The following NXNL2 variants were observed in gnomAD, a reference collection of about 807,000 sequenced individuals.
NXNL2 encodes nucleoredoxin-like protein 2.
NXNL2 carries 7 observed loss-of-function variants against 11.1 expected under a neutral mutation model. The ratio of observed to expected loss-of-function variants is 0.63; its 90% CI spans 0.36 to 1.18. The LOEUF (loss-of-function observed/expected upper bound fraction) is 1.18. Ranked by LOEUF, NXNL2 falls within the 50% of genes most tolerant of loss-of-function variation. The pLI is 0.02. For missense variants in NXNL2, 233 were observed against 217.7 expected, an observed-to-expected ratio of 1.07 and a Z score of -0.44; for synonymous variants, 109 against 101.8, an observed-to-expected ratio of 1.07 and a Z score of -0.42.
intron 2 of NXNL2, among the ~76,000 whole-genome samples, chr9:88,572,064 C>A (rs189600569): frequency 4.1e-4 from 62 of 152,134 alleles, no homozygotes; most frequent in Non-Finnish European, 8.4e-4. Flanking sequence ...GGCGGTTTCT[C>A]CCTCCCTCAG....
chr9:88,577,568 C>T (rs1209274535), downstream of NXNL2, among the ~76,000 whole-genome samples: 7 of 151,984 alleles, frequency 4.6e-5, no homozygotes, highest in East Asian at 1.4e-3. Flanking sequence ...TGCTTCCTGG[C>T]TTGTGGACAC....
chr9:88,574,748 G>T (rs1830323890), intron 2 of NXNL2, among the ~76,000 whole-genome samples: 1 of 152,196 alleles, frequency 6.6e-6, no homozygotes, highest in Non-Finnish European at 1.5e-5. Context: ...GATCTGAATA[G>T]AGGGAAGGAG....
Position 88,544,602 on chromosome 9 carries a change from T to G in NXNL2, c.*55T>G, listed in dbSNP as rs763733033. 3.8e-4 allele frequency: 551 copies of G among 1,463,304 alleles called. No homozygotes were observed. The highest frequency in any genetic ancestry group is 4.6e-4 in the Non-Finnish European group (513 of 1,103,460). 90.6% of individuals were successfully genotyped at this position (1,463,304 alleles called of 1,614,324 possible). On this transcript the variant is annotated 3_prime_UTR_variant, in exon 2 of 2. Transcript: ENST00000375854. ...GGTGCTGCTTCTCCAGCACCGACGC[T>G]GGGGCAAAGAGGAGCATGTTGGGTT...
intron 1 of NXNL2, among the ~76,000 whole-genome samples, chr9:88,566,764 C>T (rs1376627562): frequency 6.6e-6 from 1 of 152,186 alleles, no homozygotes; most frequent in Non-Finnish European, 1.5e-5. Flanking sequence ...ACTTACTGAA[C>T]TTCTTTCATC....
chr9:88,561,711 C>T (rs1243318660), intron 1 of NXNL2, among the ~76,000 whole-genome samples: 1 of 152,082 alleles, frequency 6.6e-6, no homozygotes, highest in African/African-American at 2.4e-5. Context: ...TCCCAATGTG[C>T]CGAGAACCTC....
In NXNL2 at chr9:88,567,243, A is replaced by C. The variant is rs987999895; in HGVS notation, c.303-3844A>C. Among the ~76,000 whole-genome samples, 9 of 152,066 alleles carry C rather than the reference A, an allele frequency of 5.9e-5. No homozygotes were observed. The East Asian group carries it at 1.7e-3, about 29-fold the overall frequency. The stretch of plus-strand genomic sequence containing the variant: ...AACCTCTGCCTCCCAGGTTCAATCC[A>C]TTCTCCGGCCTCAACCTCCTGAGTA... On this transcript the variant is annotated intron_variant, in intron 1 of 2. Transcript: ENST00000375855.
chr9:88,569,922 C>G (rs1288931230), intron 1 of NXNL2, among the ~76,000 whole-genome samples: 1 of 151,742 alleles, frequency 6.6e-6, no homozygotes, highest in African/African-American at 2.4e-5. Flanking sequence ...ACTTTTTGCC[C>G]CCAGATCTTG....
downstream of NXNL2, among the ~76,000 whole-genome samples, chr9:88,547,226 G>A (rs1829857278): frequency 1.3e-5 from 2 of 152,204 alleles, no homozygotes; most frequent in Admixed American, 1.3e-4. Flanking sequence ...CCCACAACTG[G>A]GGCATCTTTA....
At chr9:88,582,417 C>G (rs149449268) in intron 1 of NXNL2, among the ~76,000 whole-genome samples, 9 of 151,674 alleles carry the variant, frequency 5.9e-5, no homozygotes, top group Non-Finnish European at 1.3e-4. Context: ...TGCAGTGAGC[C>G]GAGATCGCAC....
downstream of NXNL2, among the ~76,000 whole-genome samples, chr9:88,548,516 T>C (rs916522792): frequency 7.4e-5 from 11 of 148,254 alleles, no homozygotes; most frequent in African/African-American, 1.8e-4. Flanking sequence ...AAACCCTGTC[T>C]CTACTAAAAA....
chr9:88,568,475 G>A lies in NXNL2; in HGVS notation c.303-2612G>A, dbSNP rs1347759498. On this transcript the variant is annotated intron_variant, in intron 1 of 2. Coordinates refer to the NXNL2 transcript ENST00000375855. ...GGCTTGGTGCCACTGAAAAGACTGA[G>A]GGGACACTGGGCCCCCCAGGGGATC... Among the ~76,000 whole-genome samples, 3 of 152,266 alleles carry A rather than the reference G, an allele frequency of 2.0e-5. No individual in the cohort carries two copies. The East Asian group carries it at 5.8e-4, about 30-fold the overall frequency.
At chr9:88,553,620 C>T (rs1829973360) in intron 1 of NXNL2, among the ~76,000 whole-genome samples, 1 of 152,056 alleles carries the variant, frequency 6.6e-6, no homozygotes. Flanking sequence ...GGTGGAGAGT[C>T]CAACAGGGTA....
At chr9:88,548,324 A>T (rs1285758878), downstream of NXNL2, among the ~76,000 whole-genome samples, 1 of 122,592 alleles carries the variant, frequency 8.2e-6, no homozygotes, top group African/African-American at 3.2e-5. Flanking sequence ...GGGCAACAAG[A>T]GGAAGACTTT....
At chr9:88,535,773 C>T in intron 1 of NXNL2, 37 bp downstream of exon 1, 1 of 1,495,146 alleles carries the variant, frequency 6.7e-7, no homozygotes, top group Non-Finnish European at 8.9e-7. Context: ...GGCCGCCCGG[C>T]ACGTCTCCCC....
intron 1 of NXNL2, among the ~76,000 whole-genome samples, chr9:88,543,048 G>A (rs1829791626): frequency 6.6e-6 from 1 of 152,128 alleles, no homozygotes; most frequent in African/African-American, 2.4e-5. Flanking sequence ...TGAAGATTAC[G>A]AGAACTGCAA....
At chr9:88,556,583 A>G (rs797017685) in intron 1 of NXNL2, among the ~76,000 whole-genome samples, 26 of 152,160 alleles carry the variant, frequency 1.7e-4, no homozygotes, top group African/African-American at 5.8e-4. Flanking sequence ...CTGGCTATAA[A>G]AGCATCAAGG....
At chr9:88,575,631 G>C (rs1830339351) in exon 3 of NXNL2, 1 of 152,202 alleles carries the variant, frequency 6.6e-6, no homozygotes, top group Non-Finnish European at 1.5e-5. Context: ...TGGGAGGAAG[G>C]TGGGAATGGT....
chr9:88,560,364 C>T (rs1830071382), intron 1 of NXNL2, among the ~76,000 whole-genome samples: 1 of 151,758 alleles, frequency 6.6e-6, no homozygotes, highest in Non-Finnish European at 1.5e-5. Flanking sequence ...AGGCTGACAC[C>T]CCCACAAGGA....
intron 1 of NXNL2, among the ~76,000 whole-genome samples, chr9:88,538,174 A>AG (rs1829668413): frequency 6.6e-6 from 1 of 152,146 alleles, no homozygotes; most frequent in South Asian, 2.1e-4. Flanking sequence ...TGCAGCTCCA[A>AG]GGTTACATTT....
Sources: allele counts gnomAD v4.1 joint callset (sites outside exome capture counted in the v4.1 genomes callset), GRCh38; gene constraint gnomAD v4.1.1; transcripts MANE v1.5; gene names NCBI Gene and HGNC (gene_info 2026-07-23, HGNC 2026-07-21).